GLT8D2: variants seen among roughly 807,000 people sequenced by gnomAD.
The protein encoded by GLT8D2 is glycosyltransferase 8 domain containing 2, also known as glycosyltransferase 8 domain-containing protein 2.
GLT8D2 carries 45 observed loss-of-function variants against 44.5 expected under a neutral mutation model. The observed-to-expected ratio is 1.01, with a 90% confidence interval of 0.80 to 1.30. The LOEUF (loss-of-function observed/expected upper bound fraction) is 1.30, where lower values mean the gene tolerates loss of function less well. Ranked by LOEUF, GLT8D2 falls within the 50% of genes most tolerant of loss-of-function variation. The pLI, the probability that GLT8D2 is intolerant of heterozygous loss-of-function variation, is 0.00. For synonymous variants in GLT8D2, 156 were observed against 157.2 expected, an observed-to-expected ratio of 0.99 and a Z score of 0.06; for missense variants, 400 against 430.4, an observed-to-expected ratio of 0.93 and a Z score of 0.62.
At chr12:104,039,747 A>G (rs2136467337) in intron 1 of GLT8D2, among the ~76,000 whole-genome samples, 1 of 152,372 alleles carries the variant, frequency 6.6e-6, no homozygotes, top group Admixed American at 6.5e-5. Flanking sequence ...GTGATGCCTC[A>G]AGGATCTAGA....
At chr12:104,025,064 T>C (rs530936055) in intron 1 of GLT8D2, among the ~76,000 whole-genome samples, 9 of 115,022 alleles carry the variant, frequency 7.8e-5, no homozygotes, top group African/African-American at 1.1e-4. Flanking sequence ...AGTGAGACTT[T>C]GTCAAAAAAA....
At chr12:104,057,183 T>A (rs1286787148) in intron 1 of GLT8D2, among the ~76,000 whole-genome samples, 3 of 152,064 alleles carry the variant, frequency 2.0e-5, no homozygotes, top group Non-Finnish European at 4.4e-5. Context: ...GGGCAAAAAA[T>A]TCACATTAAA....
chr12:103,997,362 CAATT>C (rs1203626519), intron 7 of GLT8D2, 85 bp downstream of exon 7: 2 of 943,476 alleles, frequency 2.1e-6, no homozygotes, highest in Non-Finnish European at 3.4e-6. Context: ...ACTTGCTGCA[CAATT>C]AGTTATTTGA....
intron 1 of GLT8D2, among the ~76,000 whole-genome samples, chr12:104,047,245 T>C (rs919566215): frequency 2.0e-5 from 3 of 151,540 alleles, no homozygotes; most frequent in Admixed American, 6.6e-5. Context: ...TTCTGGCTCA[T>C]AGATAGCACG....
chr12:103,994,452 A>AG lies in GLT8D2; in HGVS notation c.649dup (p.Leu217ProfsTer45). 6.2e-7 allele frequency: 1 copy of AG among 1,614,188 alleles called. No individual in the cohort carries two copies. ...AGAGCAGGTGCTGGGGCTGATGCCA[A>AG]GGTCCTTGATGGCCTTCTTCCGGTA... On this transcript the variant is annotated frameshift_variant, in exon 9 of 11. Coordinates refer to ENST00000360814, the MANE Select transcript of GLT8D2 (RefSeq NM_001384711.1). LOFTEE classifies it high-confidence loss of function.
At chr12:104,056,400 C>T (rs1333424746) in intron 1 of GLT8D2, among the ~76,000 whole-genome samples, 2 of 152,142 alleles carry the variant, frequency 1.3e-5, no homozygotes, top group Non-Finnish European at 1.5e-5. Flanking sequence ...TTGCAATTTA[C>T]ACTCTTGGCT....
upstream of GLT8D2, among the ~76,000 whole-genome samples, chr12:104,054,133 T>G (rs890620009): frequency 2.0e-4 from 31 of 152,086 alleles, no homozygotes; most frequent in African/African-American, 7.5e-4. Flanking sequence ...ATCTGATAAC[T>G]GAAAGTTTAT....
At chr12:104,009,896 G>A (rs1875595559) in intron 4 of GLT8D2, among the ~76,000 whole-genome samples, 1 of 152,124 alleles carries the variant, frequency 6.6e-6, no homozygotes, top group Non-Finnish European at 1.5e-5. Context: ...ACATGATTCT[G>A]AGGCCTCCCC....
intron 1 of GLT8D2, among the ~76,000 whole-genome samples, chr12:104,057,009 G>T (rs928535832): frequency 6.6e-6 from 1 of 152,214 alleles, no homozygotes; most frequent in African/African-American, 2.4e-5. Context: ...TCAAATCAAA[G>T]ATCACTGGAG....
chr12:103,994,125 C>T (rs972819623), intron 9 of GLT8D2: 4 of 358,484 alleles, frequency 1.1e-5, no homozygotes, highest in Middle Eastern at 7.3e-4. Context: ...AGGGACTCCT[C>T]GCTCCACAGG....
chr12:103,994,287 G>T, intron 9 of GLT8D2, 48 bp downstream of exon 9: 4 of 1,524,462 alleles, frequency 2.6e-6, no homozygotes, highest in Non-Finnish European at 2.7e-6. Context: ...TTAATTGAAT[G>T]ATTTTGTTTC....
At chr12:104,041,051 G>A (rs1181466985) in intron 1 of GLT8D2, among the ~76,000 whole-genome samples, 1 of 152,038 alleles carries the variant, frequency 6.6e-6, no homozygotes, top group African/African-American at 2.4e-5. Context: ...CAGATCACTT[G>A]AGGTCAGGAG....
At chr12:104,010,033 A>AAG (rs1875616607) in intron 4 of GLT8D2, among the ~76,000 whole-genome samples, 1 of 151,098 alleles carries the variant, frequency 6.6e-6, no homozygotes, top group Middle Eastern at 3.2e-3. Context: ...CCAAAAAAAA[A>AAG]GTTTCTTAAG....
At chr12:103,997,364 A>G (rs1873573068) in intron 7 of GLT8D2, 87 bp downstream of exon 7, 2 of 953,410 alleles carry the variant, frequency 2.1e-6, no homozygotes, top group African/African-American at 3.2e-5. Context: ...TTGCTGCACA[A>G]TTAGTTATTT....
At chr12:104,053,513 G>A (rs1409640217), upstream of GLT8D2, among the ~76,000 whole-genome samples, 2 of 152,188 alleles carry the variant, frequency 1.3e-5, no homozygotes, top group Non-Finnish European at 2.9e-5. Context: ...TCTTGTGTGG[G>A]TTAAAAGACA....
chr12:104,052,578 T>C (rs1341666749), upstream of GLT8D2, among the ~76,000 whole-genome samples: 1 of 152,176 alleles, frequency 6.6e-6, no homozygotes, highest in Non-Finnish European at 1.5e-5. Flanking sequence ...GGCATCCACA[T>C]TGGTCATCCT....
chr12:103,997,914 T>TACACACACACACAC (rs59719067), intron 6 of GLT8D2, among the ~76,000 whole-genome samples: 39 of 146,054 alleles, frequency 2.7e-4, no homozygotes, highest in Non-Finnish European at 4.5e-4. Context: ...CAGCCTTAAA[T>TACACACACACACAC]ACACACACAC....
intron 1 of GLT8D2, among the ~76,000 whole-genome samples, chr12:104,021,967 AAGAGGAAGAG>A (rs1877862604): frequency 1.4e-5 from 1 of 69,616 alleles, no homozygotes; most frequent in Non-Finnish European, 3.0e-5. Flanking sequence ...GAAGAAGAGG[AAGAGGAAGAG>A]GAAGAGGAAG....
intron 1 of GLT8D2, among the ~76,000 whole-genome samples, chr12:104,028,111 G>A (rs1028114793): frequency 3.9e-5 from 6 of 152,168 alleles, no homozygotes; most frequent in Admixed American, 3.9e-4. Context: ...GATGAAACAA[G>A]AAGCTTTAGG....
Sources: allele counts gnomAD v4.1 joint callset (sites outside exome capture counted in the v4.1 genomes callset), GRCh38; gene constraint gnomAD v4.1.1; transcripts MANE v1.5; gene names NCBI Gene and HGNC (gene_info 2026-07-23, HGNC 2026-07-21).